BCKDHA: variants seen among roughly 807,000 people sequenced by gnomAD.
BCKDHA encodes branched chain keto acid dehydrogenase E1 subunit alpha.
In BCKDHA, 43 loss-of-function variants were observed where a neutral mutation model predicts 52.2. The ratio of observed to expected loss-of-function variants is 0.82; its 90% CI spans 0.64 to 1.06. The LOEUF is 1.06. BCKDHA is among the 50% of genes least tolerant of loss of function. The pLI is 0.00. For synonymous variants in BCKDHA, 234 were observed against 247.9 expected (o/e 0.94, Z 0.53); for missense variants, 527 against 621.3 (o/e 0.85, Z 1.61).
chr19:41,410,174 G>A (rs558572862), intron 1 of BCKDHA, among the ~76,000 whole-genome samples: 1 of 152,254 alleles, frequency 6.6e-6, no homozygotes, highest in African/African-American at 2.4e-5. Flanking sequence ...GAAGAGAGCT[G>A]GTCTGTATGC....
At position 41,422,212 on chromosome 19, in the gene BCKDHA, T is replaced by C; in HGVS notation, c.695T>C (p.Val232Ala). The C allele has an allele frequency of 1.2e-6, 2 of 1,614,118 alleles. No individual in the cohort carries two copies. Among genetic ancestry groups the C allele is most frequent in the Non-Finnish European group, 8.5e-7 (1 of 1,180,006 alleles). The change falls in exon 6 of 9, where the codon GTC becomes GCC. Residue 232 changes from valine to alanine, a missense_variant. Transcript: ENST00000269980. ...AAGCGGGCCAATGCCAACAGGGTCG[T>C]CATCTGTTACTTCGGCGAGGGGGCA... ...AAKRANANRV[V>A]ICYFGEGAAS...
At chr19:41,413,108 G>C (rs987698945) in intron 3 of BCKDHA, among the ~76,000 whole-genome samples, 1 of 152,142 alleles carries the variant, frequency 6.6e-6, no homozygotes, top group Non-Finnish European at 1.5e-5. Context: ...GTTGACCTTC[G>C]TGCTCTGCTT....
At chr19:41,400,621 C>G (rs887900994) in intron 1 of BCKDHA, among the ~76,000 whole-genome samples, 1 of 151,704 alleles carries the variant, frequency 6.6e-6, no homozygotes, top group Non-Finnish European at 1.5e-5. Flanking sequence ...TGGACTCAAG[C>G]GATCTTCCTG....
chr19:41,398,957 A>C (rs1397887104), intron 1 of BCKDHA, among the ~76,000 whole-genome samples: 1 of 152,180 alleles, frequency 6.6e-6, no homozygotes, highest in African/African-American at 2.4e-5. Context: ...GACCTGGCAC[A>C]TCCTAAGGGC....
chr19:41,408,315 C>T (rs1326638937), intron 1 of BCKDHA, among the ~76,000 whole-genome samples: 1 of 151,456 alleles, frequency 6.6e-6, no homozygotes, highest in African/African-American at 2.4e-5. Context: ...TTTACCTCCC[C>T]AGGCCTCGGT....
chr19:41,397,927 G>A lies in BCKDHA; in HGVS notation c.100G>A (p.Ala34Thr), dbSNP rs768338292. ...LLRQPGARGL[A>T]RSHPPRQQQQ... ...GCGGCAGCCTGGGGCTCGGGGACTG[G>A]CTAGATCTGTGAGTACCTGGGCCCC... Residue 34 changes from alanine to threonine, a missense_variant, in exon 1 of 9, where the codon GCT (alanine) becomes ACT (threonine). Ala to Thr is a moderately conservative substitution (Grantham distance 58). Transcript: ENST00000269980. 6.2e-7 allele frequency: 1 copy of A among 1,613,832 alleles called. No individual in the cohort carries two copies. The highest frequency in any genetic ancestry group is 8.5e-7 in the Non-Finnish European group (1 of 1,179,896).
intron 5 of BCKDHA, among the ~76,000 whole-genome samples, chr19:41,421,895 A>T (rs1484781281): frequency 6.6e-6 from 1 of 152,016 alleles, no homozygotes; most frequent in Non-Finnish European, 1.5e-5. Flanking sequence ...GGTGGAGTAG[A>T]TGTGGAGAAT....
In BCKDHA at chr19:41,423,063, G is replaced by C; in HGVS notation, c.1061G>C (p.Trp354Ser). 6.3e-7 allele frequency: 1 copy of C among 1,595,692 alleles called. No individual in the cohort carries two copies. The highest frequency in any genetic ancestry group is 8.5e-7 in the Non-Finnish European group (1 of 1,171,014). ...CGCTCGGTGGATGAGGTCAATTACTGGGATAAACAGGACCACCCCATCTCC... is the reference window on the plus strand; with the variant it reads ...CGCTCGGTGGATGAGGTCAATTACTCGGATAAACAGGACCACCCCATCTCC... ...AYRSVDEVNY[W>S]DKQDHPISRL... is the part of the protein sequence containing the mutation. The change falls in exon 8 of 9, where the codon TGG becomes TCG. Residue 354 changes from tryptophan to serine, a missense_variant. Coordinates refer to ENST00000269980, the MANE Select transcript of BCKDHA (RefSeq NM_000709.4).
chr19:41,419,036 C>G (rs2039335888), intron 4 of BCKDHA, 99 bp from the exon 5 acceptor site: 1 of 1,441,004 alleles, frequency 6.9e-7, no homozygotes, highest in Non-Finnish European at 9.7e-7. Flanking sequence ...CAAGCCTGAG[C>G]TTTCCTGTCT....
intron 5 of BCKDHA, among the ~76,000 whole-genome samples, chr19:41,421,198 C>T (rs549723714): frequency 2.6e-4 from 40 of 152,172 alleles, no homozygotes; most frequent in Admixed American, 2.2e-3. Flanking sequence ...CCTGCTAAGT[C>T]ACTTCAAATA....
chr19:41,414,569 G>C (rs1033072267), intron 4 of BCKDHA, among the ~76,000 whole-genome samples: 3 of 152,134 alleles, frequency 2.0e-5, no homozygotes, highest in African/African-American at 7.2e-5. Flanking sequence ...GTGATCCCCT[G>C]GCCCCTCCTC....
chr19:41,419,653 G>T (rs369360339), intron 5 of BCKDHA, among the ~76,000 whole-genome samples: 11 of 150,614 alleles, frequency 7.3e-5, no homozygotes, highest in African/African-American at 2.7e-4. Flanking sequence ...TGTTGGCCAG[G>T]CTGGTCTCAA....
At chr19:41,407,731 A>G (rs555311117) in intron 1 of BCKDHA, among the ~76,000 whole-genome samples, 3 of 152,284 alleles carry the variant, frequency 2.0e-5, no homozygotes, top group Admixed American at 6.5e-5. Context: ...GGAGGGACAC[A>G]TTTGAGCACG....
chr19:41,418,260 A>G (rs1037654189), intron 4 of BCKDHA, among the ~76,000 whole-genome samples: 3 of 152,134 alleles, frequency 2.0e-5, no homozygotes, highest in Non-Finnish European at 1.5e-5. Flanking sequence ...GCATTGATCC[A>G]CAGCGCTGCC....
chr19:41,422,794 C>T, intron 7 of BCKDHA, 24 bp downstream of exon 7: 1 of 1,612,438 alleles, frequency 6.2e-7, no homozygotes, highest in Non-Finnish European at 8.5e-7. Context: ...CCCCCGTCAG[C>T]ACCCCCACAG....
chr19:41,410,811 C>G lies in BCKDHA; in HGVS notation c.283C>G (p.Pro95Ala). The change falls in exon 2 of 9, where the codon CCC (proline) becomes GCC (alanine). Residue 95 changes from proline (P) to alanine (A), a missense_variant. Transcript: ENST00000269980. ...QGQIINPSED[P>A]HLPKEKVLKL... ...CCAGATCATCAACCCCAGCGAGGAC[C>G]CCCACGTGAGAGGCGGCCTCCCCCA... The G allele has an allele frequency of 6.2e-7, 1 of 1,614,132 alleles. No homozygotes were observed. Among genetic ancestry groups the G allele is most frequent in the Non-Finnish European group, 8.5e-7 (1 of 1,180,016 alleles).
At chr19:41,420,066 CTG>C (rs1184893183) in intron 5 of BCKDHA, among the ~76,000 whole-genome samples, 1 of 152,228 alleles carries the variant, frequency 6.6e-6, no homozygotes, top group Non-Finnish European at 1.5e-5. Flanking sequence ...TGCACCTGGC[CTG>C]TGTTCCAGAC....
At position 41,416,686 on chromosome 19, in the gene BCKDHA, G is replaced by C. The variant is rs544082839; in HGVS notation, c.485-2449G>C. On this transcript the variant is annotated intron_variant, in intron 4 of 8. Transcript: ENST00000269980. Reference sequence around the variant, plus strand: ...TGTAATCCCAGCACTTCGGGAGGCTGAGGCGGGAGGATTGCTTGAGCCCAG... The same window carrying C: ...TGTAATCCCAGCACTTCGGGAGGCTCAGGCGGGAGGATTGCTTGAGCCCAG... Among the ~76,000 whole-genome samples the C allele has an allele frequency of 3.3e-5, 5 of 152,304 alleles. No individual in the cohort carries two copies. In the South Asian group the frequency reaches 1.0e-3, roughly 32 times the overall value.
Position 41,410,832 on chromosome 19 carries a change from C to A in BCKDHA, c.288+16C>A. On this transcript the variant is annotated intron_variant, in intron 2 of 8. Transcript: ENST00000269980. ...GGACCCCCACGTGAGAGGCGGCCTCCCCCACTTCCCGTGCCCCCCACGCCC... is the reference window on the plus strand; with the variant it reads ...GGACCCCCACGTGAGAGGCGGCCTCACCCACTTCCCGTGCCCCCCACGCCC... 1 of 1,614,102 alleles carries A rather than the reference C, an allele frequency of 6.2e-7. No homozygotes were observed. Among genetic ancestry groups the A allele is most frequent in the South Asian group, 1.1e-5 (1 of 91,088 alleles).
Sources: allele counts gnomAD v4.1 joint callset (sites outside exome capture counted in the v4.1 genomes callset), GRCh38; gene constraint gnomAD v4.1.1; transcripts MANE v1.5; gene names NCBI Gene and HGNC (gene_info 2026-07-23, HGNC 2026-07-21).